KIAA1217: variants seen among roughly 807,000 people sequenced by gnomAD.
KIAA1217 encodes the protein sickle tail protein homolog.
KIAA1217 carries 88 observed loss-of-function variants against 163.9 expected under a neutral mutation model. The observed-to-expected ratio is 0.54, with a 90% CI of 0.45 to 0.64. KIAA1217 has a LOEUF of 0.64. Among genes scored for constraint, KIAA1217 ranks in the 30% least tolerant of loss-of-function variants. The probability of loss-of-function intolerance (pLI) is 0.00; values close to 1 mark genes in which losing one functional copy is unlikely to be tolerated. For missense variants in KIAA1217, 2,372 were observed against 2,475.0 expected (o/e 0.96, Z 0.88); for synonymous variants, 903 against 923.1 (o/e 0.98, Z 0.39).
At chr10:23,887,247 G>A (rs1356825100) in intron 1 of KIAA1217, among the ~76,000 whole-genome samples, 3 of 151,774 alleles carry the variant, frequency 2.0e-5, no homozygotes, top group Non-Finnish European at 4.4e-5. Context: ...AAAATTTAAA[G>A]CATTATATAA....
At chr10:23,794,219 C>A (rs1447921758) in intron 1 of KIAA1217, among the ~76,000 whole-genome samples, 2 of 152,204 alleles carry the variant, frequency 1.3e-5, no homozygotes, top group African/African-American at 4.8e-5. Context: ...TTCTGAGATG[C>A]TTACCTTTTG....
chr10:24,273,146 C>T (rs776804930), intron 2 of KIAA1217, among the ~76,000 whole-genome samples: 2 of 152,176 alleles, frequency 1.3e-5, no homozygotes, highest in Non-Finnish European at 2.9e-5. Context: ...GATGCCTCTG[C>T]ATTTTGCCCA....
intron 1 of KIAA1217, among the ~76,000 whole-genome samples, chr10:23,763,862 A>C (rs1834383749): frequency 6.6e-6 from 1 of 152,214 alleles, no homozygotes; most frequent in Non-Finnish European, 1.5e-5. Context: ...GCTTCCAAAA[A>C]AACCCACTAA....
At chr10:24,494,737 A>G (rs184914345) in intron 7 of KIAA1217, 133 bp downstream of exon 7, 12 of 698,794 alleles carry the variant, frequency 1.7e-5, no homozygotes, top group Non-Finnish European at 2.5e-5. Flanking sequence ...TCTATGGATC[A>G]TGGGCGTTAT....
At chr10:24,394,159 C>A (rs2055386522) in intron 3 of KIAA1217, among the ~76,000 whole-genome samples, 1 of 152,222 alleles carries the variant, frequency 6.6e-6, no homozygotes, top group Non-Finnish European at 1.5e-5. Context: ...CAAGCCCCAT[C>A]CTCAAATTCA....
At chr10:23,765,187 C>T (rs895782226) in intron 1 of KIAA1217, among the ~76,000 whole-genome samples, 27 of 75,360 alleles carry the variant, frequency 3.6e-4, no homozygotes, top group Admixed American at 1.2e-3. Context: ...TTTTTGTTCT[C>T]TTTTTTTTTT....
At chr10:24,032,644 G>A (rs1848234850) in intron 2 of KIAA1217, among the ~76,000 whole-genome samples, 1 of 152,136 alleles carries the variant, frequency 6.6e-6, no homozygotes, top group South Asian at 2.1e-4. Flanking sequence ...GTAAGTAAGA[G>A]GTCATGCCCA....
At chr10:23,839,536 T>C (rs1838668922) in intron 1 of KIAA1217, among the ~76,000 whole-genome samples, 1 of 152,202 alleles carries the variant, frequency 6.6e-6, no homozygotes, top group Admixed American at 6.5e-5. Flanking sequence ...GCCTGGGTTA[T>C]TTTATACAGA....
chr10:24,405,854 C>T (rs1209605853), intron 3 of KIAA1217, among the ~76,000 whole-genome samples: 4 of 152,166 alleles, frequency 2.6e-5, no homozygotes, highest in Non-Finnish European at 4.4e-5. Context: ...TTTTAACCTC[C>T]CTGTCCCCTC....
At chr10:23,865,228 C>T (rs1384421273) in intron 1 of KIAA1217, among the ~76,000 whole-genome samples, 1 of 152,066 alleles carries the variant, frequency 6.6e-6, no homozygotes. Flanking sequence ...TTCCTTTGTC[C>T]TGGTCAGCAC....
intron 1 of KIAA1217, among the ~76,000 whole-genome samples, chr10:23,872,093 C>G (rs777435648): frequency 3.9e-5 from 6 of 152,154 alleles, no homozygotes; most frequent in Non-Finnish European, 7.4e-5. Flanking sequence ...ACACTCCGCT[C>G]CCCACATTTG....
chr10:24,370,820 C>T (rs2051536371), intron 2 of KIAA1217, among the ~76,000 whole-genome samples: 2 of 152,196 alleles, frequency 1.3e-5, no homozygotes, highest in South Asian at 4.1e-4. Context: ...TTCATTTATC[C>T]TCCTGCCTCA....
At chr10:23,758,029 C>A (rs1197541792) in intron 1 of KIAA1217, among the ~76,000 whole-genome samples, 2 of 151,988 alleles carry the variant, frequency 1.3e-5, no homozygotes, top group Non-Finnish European at 2.9e-5. Context: ...TTTAATAGTG[C>A]CTTTTGATGC....
chr10:24,373,946 C>G (rs1219706058), intron 2 of KIAA1217, among the ~76,000 whole-genome samples: 1 of 152,162 alleles, frequency 6.6e-6, no homozygotes, highest in African/African-American at 2.4e-5. Flanking sequence ...AATGTGGAAA[C>G]AAAAGATGCA....
At position 24,065,274 on chromosome 10, in the gene KIAA1217, G is replaced by A. The variant is rs543034800; in HGVS notation, c.-171+57900G>A. 4.8e-4 allele frequency among the ~76,000 whole-genome samples: 73 copies of A among 151,920 alleles called. 1 individual carries two copies. The East Asian group carries it at 0.012, about 25-fold the overall frequency. On this transcript the variant is annotated intron_variant, in intron 2 of 18. Transcript: ENST00000376462. ...AGATCTTTCCTGCTTTCTCTTGTGG[G>A]CATTTAGTGCTATAAATTTCCCTCT...
chr10:24,197,394 C>T (rs1010448247), intron 2 of KIAA1217, among the ~76,000 whole-genome samples: 1 of 152,170 alleles, frequency 6.6e-6, no homozygotes, highest in South Asian at 2.1e-4. Context: ...GTTTCTAGAA[C>T]GTGCAATGCT....
At chr10:24,158,615 C>A in intron 2 of KIAA1217, 1 of 509,700 alleles carries the variant, frequency 2.0e-6, no homozygotes, top group Non-Finnish European at 4.0e-6. Flanking sequence ...CCATCTTTCG[C>A]CTTTACACCA....
chr10:24,283,163 T>A (rs2078151317), intron 2 of KIAA1217, among the ~76,000 whole-genome samples: 1 of 152,072 alleles, frequency 6.6e-6, no homozygotes, highest in Non-Finnish European at 1.5e-5. Flanking sequence ...GGCCTTTGAC[T>A]GATAGAGCAA....
chr10:24,210,993 T>C (rs535842400), intron 1 of KIAA1217, among the ~76,000 whole-genome samples: 1 of 152,242 alleles, frequency 6.6e-6, no homozygotes, highest in Non-Finnish European at 1.5e-5. Context: ...GATATACTTA[T>C]GTTAAAAATA....
Sources: gnomAD v4.1 joint callset for allele counts (sites outside exome capture counted in the v4.1 genomes callset) on GRCh38, gnomAD v4.1.1 for gene constraint, MANE v1.5 for transcripts, NCBI Gene and HGNC (gene_info 2026-07-23, HGNC 2026-07-21) for gene names.